Variants in PRKCH observed in about 807,000 individuals in gnomAD.
The protein encoded by PRKCH is protein kinase C eta, also known as protein kinase C eta type.
In PRKCH, 28 loss-of-function variants were observed where a neutral mutation model predicts 82.5. The ratio of observed to expected loss-of-function variants is 0.34; its 90% CI spans 0.25 to 0.47. PRKCH has a LOEUF of 0.47. PRKCH is among the 20% of genes least tolerant of loss of function. The probability of loss-of-function intolerance (pLI) is 1.00; values close to 1 mark genes in which losing one functional copy is unlikely to be tolerated. For synonymous variants in PRKCH, 322 were observed against 327.4 expected (o/e 0.98, Z 0.18); for missense variants, 705 against 881.8 (o/e 0.80, Z 2.54).
intron 10 of PRKCH, among the ~76,000 whole-genome samples, chr14:61,490,252 G>A (rs552480634): frequency 1.5e-3 from 225 of 152,270 alleles, no homozygotes; most frequent in African/African-American, 4.5e-3. Flanking sequence ...CTGACATGCC[G>A]CCTTTTACTC....
At chr14:61,290,708 A>G (rs1244590036) in intron 1 of PRKCH, among the ~76,000 whole-genome samples, 3 of 152,218 alleles carry the variant, frequency 2.0e-5, no homozygotes, top group Admixed American at 1.3e-4. Context: ...TGTCCTTCAC[A>G]TAATCCTCTG....
intron 1 of PRKCH, among the ~76,000 whole-genome samples, chr14:61,235,390 C>T (rs77184731): frequency 6.6e-6 from 1 of 152,336 alleles, no homozygotes; most frequent in East Asian, 1.9e-4. Flanking sequence ...GTATGTTATC[C>T]ATTCACCGTG....
chr14:61,284,554 A>G (rs2045298012), intron 1 of PRKCH, among the ~76,000 whole-genome samples: 1 of 152,168 alleles, frequency 6.6e-6, no homozygotes, highest in Non-Finnish European at 1.5e-5. Flanking sequence ...ACCAGCTCGT[A>G]AGTTCCGAGA....
At chr14:61,201,116 T>G (rs1172327192) in intron 1 of PRKCH, among the ~76,000 whole-genome samples, 1 of 152,218 alleles carries the variant, frequency 6.6e-6, no homozygotes, top group Non-Finnish European at 1.5e-5. Flanking sequence ...CTTAGCGTGA[T>G]GCAAGTTTGA....
intron 1 of PRKCH, among the ~76,000 whole-genome samples, chr14:61,233,454 A>C (rs986569607): frequency 6.6e-6 from 1 of 152,122 alleles, no homozygotes; most frequent in Non-Finnish European, 1.5e-5. Flanking sequence ...ATACAGTTTT[A>C]CCCTTTAAGG....
intron 10 of PRKCH, among the ~76,000 whole-genome samples, chr14:61,487,460 G>A (rs1183261948): frequency 6.6e-6 from 1 of 152,128 alleles, no homozygotes; most frequent in Admixed American, 6.5e-5. Context: ...GCTTTGTGGA[G>A]GTTGCTGGTA....
At chr14:61,447,013 C>G (rs1176557083) in intron 4 of PRKCH, among the ~76,000 whole-genome samples, 1 of 152,196 alleles carries the variant, frequency 6.6e-6, no homozygotes, top group African/African-American at 2.4e-5. Flanking sequence ...ATGCAGACAC[C>G]ACTTTGGTGA....
rs11392422 is a variant in PRKCH at position 61,314,191 on chromosome 14, C to CTT, written c.-19+126529_-19+126530dup. ...TCTTCTTTTTTATTGTGTATGAAGT[C>CTT]TTTTTTTGTGTATGAAGTTTTTTTT... On this transcript the variant is annotated intron_variant, in intron 1 of 3. Coordinates refer to the PRKCH transcript ENST00000555185. 8.2e-4 allele frequency among the ~76,000 whole-genome samples: 125 copies of CTT among 152,038 alleles called. 2 individuals are homozygous for CTT. The East Asian group carries it at 0.013, about 15-fold the overall frequency.
upstream of PRKCH, among the ~76,000 whole-genome samples, chr14:61,317,466 G>T (rs1227270132): frequency 1.3e-5 from 2 of 152,140 alleles, no homozygotes; most frequent in East Asian, 1.9e-4. Flanking sequence ...TAGAGACAGG[G>T]TCTCACTTTG....
intron 1 of PRKCH, among the ~76,000 whole-genome samples, chr14:61,315,788 C>T (rs2045557730): frequency 6.8e-6 from 1 of 147,524 alleles, no homozygotes; most frequent in Non-Finnish European, 1.5e-5. Context: ...CGCTCTGTCA[C>T]CCAGGCTGGA....
chr14:61,323,685 A>G (rs369573443), intron 1 of PRKCH, among the ~76,000 whole-genome samples: 1 of 152,246 alleles, frequency 6.6e-6, no homozygotes, highest in Non-Finnish European at 1.5e-5. Flanking sequence ...TACAAAAACC[A>G]TAATGACTAA....
rs75081891 is a variant in PRKCH, at chr14:61,326,001, C to G, written c.363+3537C>G. On this transcript the variant is annotated intron_variant, in intron 1 of 13. Transcript: ENST00000332981. ...GTGGAGCACCTGGAACTCTCATATGCTATGGTGAGGAATGTAAAATGGTAA... is the reference window on the plus strand; with the variant it reads ...GTGGAGCACCTGGAACTCTCATATGGTATGGTGAGGAATGTAAAATGGTAA... Among the ~76,000 whole-genome samples, 934 of 152,246 alleles carry G rather than the reference C, an allele frequency of 6.1e-3. 40 individuals carry two copies. In the East Asian group the frequency reaches 0.095, roughly 16 times the overall value.
chr14:61,277,857 G>A (rs1432595190), intron 1 of PRKCH: 1 of 152,154 alleles, frequency 6.6e-6, no homozygotes, highest in Non-Finnish European at 1.5e-5. Flanking sequence ...TTAACTGAAT[G>A]TTACTATAAA....
intron 12 of PRKCH, 55 bp from the exon 13 acceptor site, chr14:61,547,688 G>T: frequency 6.3e-7 from 1 of 1,576,148 alleles, no homozygotes; most frequent in South Asian, 1.1e-5. Context: ...GCTGTCTTGT[G>T]ACGTGCTGGT....
At chr14:61,527,535 G>C (rs142578693) in intron 10 of PRKCH, among the ~76,000 whole-genome samples, 8 of 152,216 alleles carry the variant, frequency 5.3e-5, no homozygotes, top group Non-Finnish European at 1.0e-4. Context: ...TCCTGGTTCA[G>C]GTCTTAACAT....
chr14:61,195,726 G>T (rs2044436522), intron 1 of PRKCH, among the ~76,000 whole-genome samples: 1 of 152,194 alleles, frequency 6.6e-6, no homozygotes, highest in Admixed American at 6.5e-5. Context: ...GTGAGGGGTT[G>T]CTTCCTGGCT....
chr14:61,525,375 A>C (rs2042952497), intron 10 of PRKCH: 1 of 152,192 alleles, frequency 6.6e-6, no homozygotes, highest in South Asian at 2.1e-4. Flanking sequence ...TTTACAGCTC[A>C]TACAGTTCTG....
At chr14:61,458,076 G>C (rs1884861603) in intron 9 of PRKCH, among the ~76,000 whole-genome samples, 1 of 152,206 alleles carries the variant, frequency 6.6e-6, no homozygotes, top group South Asian at 2.1e-4. Flanking sequence ...GTTCTGACCT[G>C]GGCACAGGAG....
At chr14:61,347,043 C>T (rs1242711526) in intron 1 of PRKCH, among the ~76,000 whole-genome samples, 3 of 152,034 alleles carry the variant, frequency 2.0e-5, no homozygotes, top group Non-Finnish European at 4.4e-5. Context: ...ATCTGTTCAC[C>T]GGTGATTCAG....
Sources: allele counts gnomAD v4.1 joint callset (sites outside exome capture counted in the v4.1 genomes callset), GRCh38; gene constraint gnomAD v4.1.1; transcripts MANE v1.5; gene names NCBI Gene and HGNC (gene_info 2026-07-23, HGNC 2026-07-21).